Variants in RTP3 observed in about 807,000 individuals in gnomAD.
The protein encoded by RTP3 is receptor transporter protein 3, also known as receptor-transporting protein 3.
A neutral mutation model predicts 6.2 loss-of-function variants in RTP3; 2 were observed. That is an observed-to-expected ratio of 0.32 (90% CI 0.13 to 1.02). RTP3 has a LOEUF of 1.02. RTP3 is among the 50% of genes least tolerant of loss of function. RTP3 has a pLI of 0.47. For missense variants in RTP3, 252 were observed against 280.8 expected (o/e 0.90, Z 0.73); for synonymous variants, 106 against 98.3 (o/e 1.08, Z -0.47).
chr3:46,500,628 T>C lies in RTP3; in HGVS notation c.428T>C (p.Ile143Thr). Residue 143 changes from isoleucine (I) to threonine (T), a missense_variant, in exon 2 of 2, where the codon ATC (isoleucine) becomes ACC (threonine). Physicochemically the swap from Ile to Thr is moderately conservative, Grantham distance 89. Coordinates refer to ENST00000296142, the MANE Select transcript of RTP3 (RefSeq NM_031440.2). ...LIEEVPMIKD[I>T]SLEGPHNSDN... ...GAGGAGGTTCCTATGATCAAGGACA[T>C]CTCTCTTGAAGGGCCACACAATAGT... 1.9e-6 allele frequency: 3 copies of C among 1,614,086 alleles called. No individual in the cohort carries two copies. The highest frequency in any genetic ancestry group is 2.5e-6 in the Non-Finnish European group (3 of 1,179,994).
rs1703694410 is a variant in RTP3, at chr3:46,500,519, A to G, written c.319A>G (p.Thr107Ala). The G allele has an allele frequency of 1.2e-6, 2 of 1,614,128 alleles. No homozygotes were observed. Among genetic ancestry groups the G allele is most frequent in the Non-Finnish European group, 1.7e-6 (2 of 1,180,046 alleles). The change falls in exon 2 of 2, where the codon ACA becomes GCA. Residue 107 changes from threonine (T) to alanine (A), a missense_variant. Physicochemically the swap from Thr to Ala is moderately conservative, Grantham distance 58. Coordinates refer to ENST00000296142, the MANE Select transcript of RTP3 (RefSeq NM_031440.2). Reference protein sequence around the residue: ...PQPLFEDPEFTQENISRILKN... With the variant: ...PQPLFEDPEFAQENISRILKN... ...ACCTCTGTTTGAGGACCCTGAGTTC[A>G]CACAAGAGAACATCTCAAGGATCCT...
Position 46,500,641 on chromosome 3 carries a change from G to A in RTP3, c.441G>A (p.Gly147=). 3 of 1,614,134 alleles carry A rather than the reference G, an allele frequency of 1.9e-6. No individual in the cohort carries two copies. The change falls in exon 2 of 2, where the codon GGG becomes GGA. Residue 147 remains glycine, a synonymous_variant. Transcript: ENST00000296142. ...TGATCAAGGACATCTCTCTTGAAGG[G>A]CCACACAATAGTGACAACTGTGAGG... ...VPMIKDISLE[G]PHNSDNCEAC... is the part of the protein sequence containing the mutation.
intron 1 of RTP3, among the ~76,000 whole-genome samples, chr3:46,499,724 T>C (rs1334969170): frequency 6.6e-6 from 1 of 151,916 alleles, no homozygotes; most frequent in Non-Finnish European, 1.5e-5. Context: ...GGGAACTGGG[T>C]TGGAGGGGAA....
chr3:46,500,310 AT>A lies in RTP3; in HGVS notation c.156-43del, dbSNP rs767837292. The A allele has an allele frequency of 5.9e-6, 9 of 1,537,972 alleles. No individual in the cohort carries two copies. The South Asian group carries it at 9.1e-5, about 16-fold the overall frequency. ...TTTCTCTCTCTGGCAGTTCCCCGTG[AT>A]TTGGTCACATGGAGCCAGGCTGAGA... On this transcript the variant is annotated intron_variant, in intron 1 of 1. Transcript: ENST00000296142.
intron 1 of RTP3, among the ~76,000 whole-genome samples, chr3:46,499,442 G>C (rs10865942): frequency 0.45 from 68,823 of 152,150 alleles, 16,076 homozygotes; most frequent in South Asian, 0.61. Context: ...TCACGGCAAA[G>C]GGGCTGGGAA....
rs1250881426 is a variant in RTP3, at chr3:46,499,516, GCCTCTCC to G, written c.156-838_156-832del. Reference sequence around the variant, plus strand: ...TGTCTCCGCCACAGTGCAGCTCTCTGCCTCTCCCATAATTCCTTTCCCAGGTGCAGCC... The same window carrying G: ...TGTCTCCGCCACAGTGCAGCTCTCTGCATAATTCCTTTCCCAGGTGCAGCC... On this transcript the variant is annotated intron_variant, in intron 1 of 1. Coordinates refer to ENST00000296142, the MANE Select transcript of RTP3 (RefSeq NM_031440.2). 2.2e-4 allele frequency among the ~76,000 whole-genome samples: 34 copies of G among 152,286 alleles called. No homozygotes were observed. In the South Asian group the frequency reaches 4.8e-3, roughly 21 times the overall value.
intron 1 of RTP3, among the ~76,000 whole-genome samples, chr3:46,499,277 T>C (rs940407337): frequency 6.6e-6 from 1 of 152,194 alleles, no homozygotes; most frequent in African/African-American, 2.4e-5. Context: ...CCTGGAAATA[T>C]CACTGATTTA....
chr3:46,498,224 G>A lies in RTP3; in HGVS notation c.155+7G>A, dbSNP rs1488800699. The A allele has an allele frequency of 1.2e-6, 2 of 1,614,180 alleles. No individual in the cohort carries two copies. Among genetic ancestry groups the A allele is most frequent in the Non-Finnish European group, 1.7e-6 (2 of 1,180,028 alleles). On this transcript the variant is annotated splice_region_variant and intron_variant, in intron 1 of 1. Coordinates refer to ENST00000296142, the MANE Select transcript of RTP3 (RefSeq NM_031440.2). ...AGCAGTGGACCTTCGCCAGGTGAGG[G>A]GGAATGTGATGGTACACGTTCCAGA...
Position 46,500,337 on chromosome 3 carries a change from C to T in RTP3, c.156-19C>T. 1 of 1,578,520 alleles carries T rather than the reference C, an allele frequency of 6.3e-7. No homozygotes were observed. The highest frequency in any genetic ancestry group is 8.6e-7 in the Non-Finnish European group (1 of 1,165,314). ...TTGGTCACATGGAGCCAGGCTGAGA[C>T]TCTCTTCTGTCTCCACAGGTTCCAG... is the stretch of plus-strand genomic sequence containing the variant. On this transcript the variant is annotated intron_variant, in intron 1 of 1. Transcript: ENST00000296142.
Position 46,500,405 on chromosome 3 carries a change from G to A in RTP3, c.205G>A (p.Val69Ile), listed in dbSNP as rs774470103. The A allele has an allele frequency of 6.2e-7, 1 of 1,614,016 alleles. No individual in the cohort carries two copies. Among genetic ancestry groups the A allele is most frequent in the Non-Finnish European group, 8.5e-7 (1 of 1,179,988 alleles). The change falls in exon 2 of 2, where the codon GTC becomes ATC. Residue 69 changes from valine (V) to isoleucine (I), a missense_variant. Transcript: ENST00000296142. Reference sequence around the variant, plus strand: ...TAACTGGGCCTCTGCCCAAGTTCTGGTCCTTTTCCACATGAACTGGAGTGA... The same window carrying A: ...TAACTGGGCCTCTGCCCAAGTTCTGATCCTTTTCCACATGAACTGGAGTGA... ...SRNWASAQVLVLFHMNWSEEK... is the reference protein window; with the variant it reads ...SRNWASAQVLILFHMNWSEEK...
intron 1 of RTP3, 105 bp from the exon 2 acceptor site, chr3:46,500,251 A>C: frequency 7.8e-7 from 1 of 1,278,568 alleles, no homozygotes. Flanking sequence ...CCACAGCCCC[A>C]GTCAAGTCAT....
intron 1 of RTP3, 60 bp from the exon 2 acceptor site, chr3:46,500,296 G>A: frequency 6.6e-7 from 1 of 1,517,938 alleles, no homozygotes; most frequent in East Asian, 2.3e-5. Context: ...TTCTCTCTCT[G>A]GCAGTTCCCC....
intron 1 of RTP3, among the ~76,000 whole-genome samples, chr3:46,498,460 C>T (rs891736958): frequency 3.3e-5 from 5 of 151,970 alleles, no homozygotes; most frequent in Non-Finnish European, 1.5e-5. Context: ...AGAAATCAGT[C>T]TGTGGGGGTG....
rs1314740080 is a variant in RTP3 at position 46,500,613 on chromosome 3, C to G, written c.413C>G (p.Pro138Arg). The G allele has an allele frequency of 3.1e-6, 5 of 1,614,030 alleles. No homozygotes were observed. Among genetic ancestry groups the G allele is most frequent in the Non-Finnish European group, 4.2e-6 (5 of 1,180,014 alleles). The change falls in exon 2 of 2, where the codon CCT (proline) becomes CGT (arginine). Residue 138 changes from proline to arginine, a missense_variant. Coordinates refer to ENST00000296142, the MANE Select transcript of RTP3 (RefSeq NM_031440.2). ...AGATTTCAGTTGATAGAGGAGGTTC[C>G]TATGATCAAGGACATCTCTCTTGAA... ...RGRFQLIEEV[P>R]MIKDISLEGP...
At position 46,498,123 on chromosome 3, in the gene RTP3, C is replaced by G; in HGVS notation, c.61C>G (p.Pro21Ala). The G allele has an allele frequency of 6.2e-7, 1 of 1,614,182 alleles. No individual in the cohort carries two copies. The highest frequency in any genetic ancestry group is 8.5e-7 in the Non-Finnish European group (1 of 1,180,030). The change falls in exon 1 of 2, where the codon CCA becomes GCA. Residue 21 changes from proline (P) to alanine (A), a missense_variant. By Grantham distance (27) the Pro-to-Ala change is conservative. Transcript: ENST00000296142. ...TCAGGAGTTAATGCGGGAGGTGAAG[C>G]CATGGCACAGGTGGACCCTGAGACC... ...MFQELMREVK[P>A]WHRWTLRPDK...
At chr3:46,499,262 A>C (rs1373191780) in intron 1 of RTP3, among the ~76,000 whole-genome samples, 1 of 152,242 alleles carries the variant, frequency 6.6e-6, no homozygotes, top group Non-Finnish European at 1.5e-5. Flanking sequence ...ACAGTGACAA[A>C]TAAACCTGGA....
rs182804467 is a variant in RTP3, at chr3:46,499,586, A to G, written c.156-770A>G. Among the ~76,000 whole-genome samples, 548 of 152,220 alleles carry G rather than the reference A, an allele frequency of 3.6e-3. 3 individuals carry two copies. Among genetic ancestry groups the G allele is most frequent in the African/African-American group, 0.012 (511 of 41,530 alleles). ...CCTTCTTCTCTCTCTACCTCCTGAC[A>G]TGTATTTGTCCAGATACCTTAGCTC... On this transcript the variant is annotated intron_variant, in intron 1 of 1. Coordinates refer to ENST00000296142, the MANE Select transcript of RTP3 (RefSeq NM_031440.2).
rs1703703079 is a variant in RTP3, at chr3:46,500,939, T to C, written c.*40T>C. On this transcript the variant is annotated 3_prime_UTR_variant, in exon 2 of 2. Coordinates refer to ENST00000296142, the MANE Select transcript of RTP3 (RefSeq NM_031440.2). ...AAGCTAAGTCAGAAAAAAAATCAGA[T>C]ACAAAAAGTCATATGTTGTATGATT... 1.3e-6 allele frequency: 2 copies of C among 1,496,204 alleles called. No homozygotes were observed. Among genetic ancestry groups the C allele is most frequent in the South Asian group, 2.7e-5 (2 of 74,938 alleles). 92.7% of individuals were successfully genotyped at this position (1,496,204 alleles called of 1,614,324 possible).
At chr3:46,498,519 C>T (rs1396118068) in intron 1 of RTP3, among the ~76,000 whole-genome samples, 2 of 152,140 alleles carry the variant, frequency 1.3e-5, no homozygotes, top group Admixed American at 6.5e-5. Flanking sequence ...GCAGCTGTTG[C>T]ACCCACGGGC....
Sources: gnomAD v4.1 joint callset for allele counts (sites outside exome capture counted in the v4.1 genomes callset) on GRCh38, gnomAD v4.1.1 for gene constraint, MANE v1.5 for transcripts, NCBI Gene and HGNC (gene_info 2026-07-23, HGNC 2026-07-21) for gene names.